Variants in CAST observed in about 807,000 individuals in gnomAD.
CAST encodes calpastatin.
Under a neutral mutation model 119.6 loss-of-function variants are expected in CAST, and 76 were observed. That is an observed-to-expected ratio of 0.64 (90% CI 0.53 to 0.77). The LOEUF is 0.77. Among genes scored for constraint, CAST ranks in the 30% least tolerant of loss-of-function variants. The probability of loss-of-function intolerance (pLI) is 0.00; values close to 1 mark genes in which losing one functional copy is unlikely to be tolerated. For synonymous variants in CAST, 319 were observed against 331.6 expected (o/e 0.96, Z 0.41); for missense variants, 953 against 946.5 (o/e 1.01, Z -0.09).
chr5:96,561,786 G>GGTTTTTTT (rs1189100090), intron 1 of CAST, among the ~76,000 whole-genome samples: 14,571 of 103,842 alleles, frequency 0.14, 3,053 homozygotes, highest in Non-Finnish European at 0.21. Context: ...TTATATATAT[G>GGTTTTTTT]TTTTTTTTTG....
At chr5:96,759,754 T>C (rs189753735) in intron 24 of CAST, among the ~76,000 whole-genome samples, 1 of 152,090 alleles carries the variant, frequency 6.6e-6, no homozygotes, top group East Asian at 1.9e-4. Flanking sequence ...TATAATAATA[T>C]AGAGATCAAC....
At chr5:96,696,680 C>T (rs1160478328) in intron 3 of CAST, among the ~76,000 whole-genome samples, 1 of 23,144 alleles carries the variant, frequency 4.3e-5, no homozygotes, top group Non-Finnish European at 1.4e-4. Flanking sequence ...AAGACCCTTT[C>T]TCTCCTAAAA....
upstream of CAST, among the ~76,000 whole-genome samples, chr5:96,661,582 C>A (rs760068070): frequency 4.6e-5 from 7 of 152,128 alleles, no homozygotes; most frequent in Non-Finnish European, 1.0e-4. Flanking sequence ...GCAGCAACTG[C>A]AGGCTGACAG....
intron 12 of CAST, 137 bp downstream of exon 12, chr5:96,740,255 C>CA: frequency 1.7e-6 from 1 of 593,170 alleles, no homozygotes. Flanking sequence ...AAGCTCGCTG[C>CA]ATTGGTTGGC....
chr5:96,441,317 T>C, the CAST span, among the ~76,000 whole-genome samples: 1 of 152,232 alleles, frequency 6.6e-6, no homozygotes. Flanking sequence ...TAATTTTTAG[T>C]GTGTTCCCCT....
At chr5:96,698,732 C>T (rs1283266341) in intron 3 of CAST, among the ~76,000 whole-genome samples, 1 of 152,130 alleles carries the variant, frequency 6.6e-6, no homozygotes, top group Non-Finnish European at 1.5e-5. Context: ...AAATAATATT[C>T]TCCCAACACA....
At chr5:96,362,354 T>C in the CAST span, among the ~76,000 whole-genome samples, 1 of 152,230 alleles carries the variant, frequency 6.6e-6, no homozygotes, top group African/African-American at 2.4e-5. Context: ...TCCCCAGTAA[T>C]GGGATGGCTG....
upstream of CAST, among the ~76,000 whole-genome samples, chr5:96,527,761 C>T (rs1442659342): frequency 2.0e-5 from 3 of 152,182 alleles, no homozygotes; most frequent in African/African-American, 7.2e-5. Context: ...CAAATTTGAG[C>T]ACAAGCCCAT....
intron 1 of CAST, among the ~76,000 whole-genome samples, chr5:96,545,824 C>T (rs1746001384): frequency 6.6e-6 from 1 of 152,198 alleles, no homozygotes; most frequent in Non-Finnish European, 1.5e-5. Context: ...GTTAAGACCT[C>T]CTTTGAAGTG....
the CAST span, among the ~76,000 whole-genome samples, chr5:96,097,225 T>G: frequency 6.6e-6 from 1 of 152,136 alleles, no homozygotes; most frequent in East Asian, 1.9e-4. Context: ...AGGGCTCTGA[T>G]TTAGTTATAA....
the CAST span, among the ~76,000 whole-genome samples, chr5:96,038,394 T>C: frequency 6.6e-6 from 1 of 152,088 alleles, no homozygotes; most frequent in Admixed American, 6.6e-5. Context: ...TATTATACTT[T>C]AAGTTCTGGG....
At chr5:96,442,256 T>C in the CAST span, among the ~76,000 whole-genome samples, 15 of 152,236 alleles carry the variant, frequency 9.9e-5, no homozygotes, top group Non-Finnish European at 1.9e-4. Flanking sequence ...AATCTTCAGC[T>C]TCCTCATGAA....
At chr5:96,053,073 G>A in the CAST span, among the ~76,000 whole-genome samples, 1 of 152,232 alleles carries the variant, frequency 6.6e-6, no homozygotes, top group Non-Finnish European at 1.5e-5. Flanking sequence ...CATTTCAAAT[G>A]TTTATTTTTT....
chr5:95,997,891 C>T, the CAST span, among the ~76,000 whole-genome samples: 42 of 151,694 alleles, frequency 2.8e-4, no homozygotes, highest in Non-Finnish European at 6.0e-4. Flanking sequence ...GTCAAAAGGC[C>T]CACGTCTCAC....
At chr5:96,278,769 A>G in the CAST span, 1 of 152,224 alleles carries the variant, frequency 6.6e-6, no homozygotes, top group African/African-American at 2.4e-5. Flanking sequence ...GCATATACAC[A>G]TACACTGTGC....
Position 96,650,905 on chromosome 5 carries a change from A to G in CAST, c.61-24634A>G, listed in dbSNP as rs1220770362. The stretch of plus-strand genomic sequence containing the variant: ...TTTTCAACAGACTAGTGCAAAATAG[A>G]TATTTAGAATTGTGTTTGGAAATTT... On this transcript the variant is annotated intron_variant, in intron 1 of 11. Transcript: ENST00000505143. Among the ~76,000 whole-genome samples the G allele has an allele frequency of 2.0e-5, 3 of 152,144 alleles. No individual in the cohort carries two copies. The South Asian group carries it at 6.2e-4, about 31-fold the overall frequency.
the CAST span, among the ~76,000 whole-genome samples, chr5:96,133,788 A>T: frequency 6.6e-6 from 1 of 152,180 alleles, no homozygotes; most frequent in African/African-American, 2.4e-5. Flanking sequence ...AAAATAGAAA[A>T]GGGGGGCTGC....
chr5:96,289,096 G>T, the CAST span, among the ~76,000 whole-genome samples: 1 of 121,858 alleles, frequency 8.2e-6, no homozygotes, highest in African/African-American at 3.4e-5. Flanking sequence ...GAGCATATAT[G>T]ATTAAGAAAA....
At chr5:96,354,883 T>A in the CAST span, among the ~76,000 whole-genome samples, 1 of 151,766 alleles carries the variant, frequency 6.6e-6, no homozygotes, top group Non-Finnish European at 1.5e-5. Flanking sequence ...ATTTACTTTT[T>A]ATTTTTTCTT....
Sources: gnomAD v4.1 joint callset for allele counts (sites outside exome capture counted in the v4.1 genomes callset) on GRCh38, gnomAD v4.1.1 for gene constraint, MANE v1.5 for transcripts, NCBI Gene and HGNC (gene_info 2026-07-23, HGNC 2026-07-21) for gene names.